TTC39C: variants seen among roughly 807,000 people sequenced by gnomAD.
TTC39C encodes tetratricopeptide repeat domain 39C.
Under a neutral mutation model 76.3 loss-of-function variants are expected in TTC39C, and 33 were observed. That is an observed-to-expected ratio of 0.43 (90% CI 0.33 to 0.58). The LOEUF (loss-of-function observed/expected upper bound fraction) is 0.58. TTC39C is among the 20% of genes least tolerant of loss of function. TTC39C has a pLI of 0.04. For missense variants in TTC39C, 595 were observed against 701.4 expected (o/e 0.85, Z 1.71); for synonymous variants, 254 against 260.6 (o/e 0.97, Z 0.24).
chr18:24,007,069 G>A (rs925414809), intron 1 of TTC39C, among the ~76,000 whole-genome samples: 2 of 152,168 alleles, frequency 1.3e-5, no homozygotes, highest in African/African-American at 4.8e-5. Context: ...TTCTTCAACA[G>A]GTTCCTTAAG....
chr18:24,061,398 T>C (rs937685545), intron 1 of TTC39C, among the ~76,000 whole-genome samples: 1 of 151,922 alleles, frequency 6.6e-6, no homozygotes, highest in Admixed American at 6.6e-5. Context: ...GTTCCAAATA[T>C]GAGGAGTAAT....
chr18:24,015,010 G>A lies in TTC39C; in HGVS notation c.139G>A (p.Glu47Lys). The change falls in exon 1 of 14, where the codon GAG becomes AAG. Residue 47 changes from glutamate to lysine, a missense_variant. Transcript: ENST00000317571. Reference protein sequence around the residue: ...INMLLNNGFRESDQLFKQYRN... With the variant: ...INMLLNNGFRKSDQLFKQYRN... Reference sequence around the variant, plus strand: ...CATGCTGCTCAACAACGGCTTCAGGGAGTCGGACCAGCTTTTCAAACAATA... The same window carrying A: ...CATGCTGCTCAACAACGGCTTCAGGAAGTCGGACCAGCTTTTCAAACAATA... 6.6e-7 allele frequency: 1 copy of A among 1,517,890 alleles called. No homozygotes were observed. 94.0% of individuals were successfully genotyped at this position (1,517,890 alleles called of 1,614,324 possible). A position where few individuals can be genotyped will look rare whatever the true frequency, so the allele number is the denominator to read the frequency against.
intron 5 of TTC39C, 66 bp downstream of exon 5, chr18:24,081,005 A>G: frequency 7.1e-7 from 1 of 1,405,258 alleles, no homozygotes. Context: ...ACGACAATCA[A>G]AGACTTTAAA....
At chr18:24,122,896 G>C (rs923410922) in intron 8 of TTC39C, among the ~76,000 whole-genome samples, 1 of 152,180 alleles carries the variant, frequency 6.6e-6, no homozygotes, top group Non-Finnish European at 1.5e-5. Flanking sequence ...AAACCACTTT[G>C]GTTCTCCTAC....
chr18:24,060,319 T>TG (rs2084080817), intron 1 of TTC39C, among the ~76,000 whole-genome samples: 1 of 141,856 alleles, frequency 7.0e-6, no homozygotes, highest in South Asian at 2.4e-4. Flanking sequence ...TTCTGTTTTT[T>TG]TTTTTTTTTT....
At position 23,995,951 on chromosome 18, in the gene TTC39C, G is replaced by A. The variant is rs1029465129; in HGVS notation, c.-17+2913G>A. On this transcript the variant is annotated intron_variant, in intron 1 of 13. Transcript: ENST00000304621. ...ATGCCAGAAGTGCCGTTGTTGGATC[G>A]TATGTTAAGTATATGCTTAGTTTTC... is the stretch of plus-strand genomic sequence containing the variant. 6.6e-5 allele frequency among the ~76,000 whole-genome samples: 10 copies of A among 152,206 alleles called. No homozygotes were observed. In the East Asian group the frequency reaches 1.2e-3, roughly 18 times the overall value.
chr18:24,108,504 G>C (rs568288313), intron 6 of TTC39C, among the ~76,000 whole-genome samples: 1 of 152,292 alleles, frequency 6.6e-6, no homozygotes, highest in East Asian at 1.9e-4. Context: ...GGTATTGCTG[G>C]TGAGCATTTT....
At chr18:23,993,377 A>G (rs566945896) in intron 1 of TTC39C, among the ~76,000 whole-genome samples, 21 of 152,250 alleles carry the variant, frequency 1.4e-4, no homozygotes, top group Non-Finnish European at 2.5e-4. Flanking sequence ...TATCAGGTTA[A>G]TAGAAAATAT....
intron 1 of TTC39C, among the ~76,000 whole-genome samples, chr18:24,020,606 C>T (rs1234035437): frequency 6.6e-6 from 1 of 152,208 alleles, no homozygotes; most frequent in African/African-American, 2.4e-5. Context: ...CTACACACAT[C>T]CTCCCATATA....
At chr18:24,031,383 G>T (rs1356790452) in intron 1 of TTC39C, among the ~76,000 whole-genome samples, 1 of 152,210 alleles carries the variant, frequency 6.6e-6, no homozygotes, top group Non-Finnish European at 1.5e-5. Context: ...TCCTCCAAAA[G>T]AACCCTGTTT....
At position 24,133,059 on chromosome 18, in the gene TTC39C, A is replaced by G. The variant is rs544794145; in HGVS notation, c.*485A>G. On this transcript the variant is annotated 3_prime_UTR_variant, in exon 14 of 14. Coordinates refer to ENST00000317571, the MANE Select transcript of TTC39C (RefSeq NM_001135993.2). Reference sequence around the variant, plus strand: ...TCCTCAAAATACTCCAGTGAATAACATAGCACAGATATTCTTAACCCCACT... The same window carrying G: ...TCCTCAAAATACTCCAGTGAATAACGTAGCACAGATATTCTTAACCCCACT... 1 of 152,608 alleles carries G rather than the reference A, an allele frequency of 6.6e-6. No homozygotes were observed. The highest frequency in any genetic ancestry group is 1.9e-4 in the East Asian group (1 of 5,194). 9.5% of individuals were successfully genotyped at this position (152,608 alleles called of 1,614,324 possible).
intron 6 of TTC39C, among the ~76,000 whole-genome samples, chr18:24,108,875 T>G (rs1288069405): frequency 2.0e-5 from 3 of 152,214 alleles, no homozygotes; most frequent in African/African-American, 7.2e-5. Flanking sequence ...GAATTTCTCC[T>G]GGTGAGTCTG....
intron 1 of TTC39C, among the ~76,000 whole-genome samples, chr18:23,994,714 G>A (rs1180076609): frequency 6.6e-6 from 1 of 152,156 alleles, no homozygotes; most frequent in East Asian, 1.9e-4. Flanking sequence ...TTGCTACTGA[G>A]TGTGATTCTC....
At chr18:24,131,760 AC>A (rs1457771892) in intron 12 of TTC39C, 121 bp from the exon 13 acceptor site, 1 of 748,528 alleles carries the variant, frequency 1.3e-6, no homozygotes, top group African/African-American at 1.8e-5. Flanking sequence ...ACTTGAATGA[AC>A]AGTTGACTCA....
At chr18:24,086,141 C>G (rs913132726) in intron 6 of TTC39C, among the ~76,000 whole-genome samples, 2 of 152,104 alleles carry the variant, frequency 1.3e-5, no homozygotes, top group East Asian at 3.9e-4. Flanking sequence ...TTTCAGTGAA[C>G]ATTTAGGTTA....
intron 3 of TTC39C, among the ~76,000 whole-genome samples, chr18:24,068,478 C>T (rs945189802): frequency 1.3e-5 from 2 of 152,166 alleles, no homozygotes; most frequent in Non-Finnish European, 2.9e-5. Context: ...TTATTTTATT[C>T]AAGTTTACTT....
intron 1 of TTC39C, among the ~76,000 whole-genome samples, chr18:24,009,244 TAAAC>T (rs899240546): frequency 8.5e-5 from 13 of 152,150 alleles, no homozygotes; most frequent in East Asian, 1.9e-4. Flanking sequence ...TTTTTGCTGT[TAAAC>T]AATCCAGAGA....
At chr18:24,023,133 C>A (rs2083536494) in intron 1 of TTC39C, among the ~76,000 whole-genome samples, 1 of 152,110 alleles carries the variant, frequency 6.6e-6, no homozygotes, top group East Asian at 1.9e-4. Context: ...CAAGTGCAGC[C>A]CAGGAGGCGG....
intron 1 of TTC39C, among the ~76,000 whole-genome samples, chr18:24,004,040 C>A (rs986476420): frequency 1.3e-5 from 2 of 152,206 alleles, no homozygotes; most frequent in East Asian, 3.8e-4. Context: ...GGTGAGCCAC[C>A]ACACCACACC....
Sources: gnomAD v4.1 joint callset for allele counts (sites outside exome capture counted in the v4.1 genomes callset) on GRCh38, gnomAD v4.1.1 for gene constraint, MANE v1.5 for transcripts, NCBI Gene and HGNC (gene_info 2026-07-23, HGNC 2026-07-21) for gene names.